PALS2: variants seen among roughly 807,000 people sequenced by gnomAD.
PALS2 encodes protein associated with LIN7 2, MAGUK p55 family member.
In PALS2, 27 loss-of-function variants were observed where a neutral mutation model predicts 61.6. That is an observed-to-expected ratio of 0.44 (90% CI 0.32 to 0.60). The LOEUF (loss-of-function observed/expected upper bound fraction) is 0.60, where lower values mean the gene tolerates loss of function less well. PALS2 is among the 20% of genes least tolerant of loss of function. The pLI is 0.05. For missense variants in PALS2, 554 were observed against 639.4 expected, an observed-to-expected ratio of 0.87 and a Z score of 1.44; for synonymous variants, 236 against 218.6, an observed-to-expected ratio of 1.08 and a Z score of -0.70.
intron 3 of PALS2, among the ~76,000 whole-genome samples, chr7:24,647,944 A>T (rs1413378320): frequency 6.6e-6 from 1 of 152,214 alleles, no homozygotes; most frequent in Non-Finnish European, 1.5e-5. Context: ...AGAGTTGTCA[A>T]TGCATAAGTA....
chr7:24,660,283 G>A (rs1163518656), intron 5 of PALS2, among the ~76,000 whole-genome samples: 1 of 151,858 alleles, frequency 6.6e-6, no homozygotes, highest in Non-Finnish European at 1.5e-5. Flanking sequence ...GTATTCAGTT[G>A]AGATCTCCCT....
At chr7:24,681,520 C>G (rs1183179889) in intron 11 of PALS2, among the ~76,000 whole-genome samples, 2 of 150,698 alleles carry the variant, frequency 1.3e-5, no homozygotes, top group Middle Eastern at 6.8e-3. Context: ...TTGAGTTTCT[C>G]CAAGATTTTT....
intron 1 of PALS2, among the ~76,000 whole-genome samples, chr7:24,585,059 A>G (rs974631457): frequency 6.6e-6 from 1 of 152,060 alleles, no homozygotes; most frequent in Non-Finnish European, 1.5e-5. Context: ...TGTTTTGGTT[A>G]CTGTAGCCTT....
In PALS2 at chr7:24,690,201, A is replaced by G. The variant is rs1264678984; in HGVS notation, c.*2587A>G. The G allele has an allele frequency of 6.6e-6, 1 of 152,210 alleles. No homozygotes were observed. Among genetic ancestry groups the G allele is most frequent in the African/African-American group, 2.4e-5 (1 of 41,452 alleles). 9.4% of individuals were successfully genotyped at this position (152,210 alleles called of 1,614,324 possible). A position where few individuals can be genotyped will look rare whatever the true frequency, so the allele number is the denominator to read the frequency against. On this transcript the variant is annotated 3_prime_UTR_variant, in exon 12 of 12. Coordinates refer to ENST00000222644, the MANE Select transcript of PALS2 (RefSeq NM_001303037.2). ...TAAGTTCATTGTATCTCAATGAAGA[A>G]TCATTGAACTTGAAACCCAAGTCCC... is the stretch of plus-strand genomic sequence containing the variant.
At chr7:24,637,269 C>T (rs1383024877) in intron 2 of PALS2, among the ~76,000 whole-genome samples, 1 of 146,656 alleles carries the variant, frequency 6.8e-6, no homozygotes, top group Non-Finnish European at 1.5e-5. Context: ...TAGAGAATTC[C>T]ATTCTGATTT....
In PALS2 at chr7:24,692,837, A is replaced by G. The variant is rs2128042296; in HGVS notation, c.*5223A>G. 6.6e-6 allele frequency: 1 copy of G among 152,288 alleles called. No homozygotes were observed. Among genetic ancestry groups the G allele is most frequent in the African/African-American group, 2.4e-5 (1 of 41,576 alleles). 9.4% of individuals were successfully genotyped at this position (152,288 alleles called of 1,614,324 possible). A position where few individuals can be genotyped will look rare whatever the true frequency, so the allele number is the denominator to read the frequency against. On this transcript the variant is annotated 3_prime_UTR_variant, in exon 12 of 12. Coordinates refer to ENST00000222644, the MANE Select transcript of PALS2 (RefSeq NM_001303037.2). ...ATACCTGAAATCACTGCATACCTGA[A>G]ATCACTGCAGCCCTACTGTTTTACC...
At chr7:24,681,848 A>G (rs953258874) in intron 11 of PALS2, among the ~76,000 whole-genome samples, 14 of 152,132 alleles carry the variant, frequency 9.2e-5, no homozygotes, top group African/African-American at 3.4e-4. Flanking sequence ...ATATGCCATG[A>G]AATCAGGTAG....
At chr7:24,641,671 A>G in intron 2 of PALS2, 45 bp from the exon 3 acceptor site, 2 of 1,464,982 alleles carry the variant, frequency 1.4e-6, no homozygotes, top group African/African-American at 1.4e-5. Context: ...TCTGGTGCAA[A>G]TAACAAATAA....
At position 24,688,810 on chromosome 7, in the gene PALS2, TG is replaced by T. The variant is rs1442047744; in HGVS notation, c.*1197del. On this transcript the variant is annotated 3_prime_UTR_variant, in exon 12 of 12. Transcript: ENST00000222644. ...TACATATCTGTTAAAAAATGTACTT[TG>T]TTTTTTTGTTTGTTTGTTTTGAGAT... The T allele has an allele frequency of 1.3e-5, 2 of 151,756 alleles. No individual in the cohort carries two copies. The highest frequency in any genetic ancestry group is 2.9e-5 in the Non-Finnish European group (2 of 67,908). 9.4% of individuals were successfully genotyped at this position (151,756 alleles called of 1,614,324 possible).
At chr7:24,621,009 TG>T (rs1449059132) in intron 1 of PALS2, among the ~76,000 whole-genome samples, 1 of 152,124 alleles carries the variant, frequency 6.6e-6, no homozygotes, top group African/African-American at 2.4e-5. Flanking sequence ...AAATAAATAA[TG>T]GGAAGTACTG....
chr7:24,684,073 T>C (rs1205776997), intron 11 of PALS2, among the ~76,000 whole-genome samples: 2 of 152,116 alleles, frequency 1.3e-5, no homozygotes, highest in East Asian at 3.8e-4. Flanking sequence ...TTTCTGTCTT[T>C]AGAGTATATC....
chr7:24,599,659 C>T (rs1047720482), intron 1 of PALS2, among the ~76,000 whole-genome samples: 24 of 151,464 alleles, frequency 1.6e-4, no homozygotes, highest in African/African-American at 3.6e-4. Flanking sequence ...TGTGCACCAC[C>T]GCACCTGGCT....
intron 11 of PALS2, among the ~76,000 whole-genome samples, chr7:24,686,785 C>A (rs1436231133): frequency 6.6e-6 from 1 of 152,144 alleles, no homozygotes; most frequent in African/African-American, 2.4e-5. Flanking sequence ...TAGTGAAATT[C>A]AAAACACCAT....
chr7:24,643,158 T>C (rs1487634705), intron 3 of PALS2, among the ~76,000 whole-genome samples: 1 of 152,150 alleles, frequency 6.6e-6, no homozygotes, highest in East Asian at 1.9e-4. Context: ...TAAGGAACAC[T>C]AGAAGAAAAT....
At chr7:24,648,312 G>C (rs1434882036) in intron 3 of PALS2, among the ~76,000 whole-genome samples, 1 of 118,336 alleles carries the variant, frequency 8.5e-6, no homozygotes, top group Non-Finnish European at 1.7e-5. Flanking sequence ...TTTTTTTTGA[G>C]ACAGAGTTTC....
intron 3 of PALS2, among the ~76,000 whole-genome samples, chr7:24,644,283 A>G (rs1389026745): frequency 6.6e-6 from 1 of 151,872 alleles, no homozygotes; most frequent in African/African-American, 2.4e-5. Context: ...GGTAGACCCC[A>G]GTCTCTGTTT....
chr7:24,655,447 G>A (rs1368054133), intron 5 of PALS2, among the ~76,000 whole-genome samples: 1 of 152,042 alleles, frequency 6.6e-6, no homozygotes, highest in Non-Finnish European at 1.5e-5. Context: ...ATGATGGGAT[G>A]GGATGGAATG....
intron 1 of PALS2, among the ~76,000 whole-genome samples, chr7:24,601,925 G>C (rs1001179459): frequency 6.6e-6 from 1 of 151,720 alleles, no homozygotes; most frequent in Admixed American, 6.6e-5. Context: ...ATTTTCATCT[G>C]TTTTGCTGGG....
intron 3 of PALS2, among the ~76,000 whole-genome samples, chr7:24,647,113 T>TTTGTTG (rs576530583): frequency 5.3e-5 from 8 of 151,680 alleles, no homozygotes; most frequent in Admixed American, 1.3e-4. Flanking sequence ...ATTCTGATTT[T>TTTGTTG]TTGTTGTTGT....
Sources: gnomAD v4.1 joint callset for allele counts (sites outside exome capture counted in the v4.1 genomes callset) on GRCh38, gnomAD v4.1.1 for gene constraint, MANE v1.5 for transcripts, NCBI Gene and HGNC (gene_info 2026-07-23, HGNC 2026-07-21) for gene names.